Variants in SIGLEC15 observed in about 807,000 individuals in gnomAD.
SIGLEC15 encodes the protein sialic acid binding Ig like lectin 15.
Under a neutral mutation model 26.2 loss-of-function variants are expected in SIGLEC15, and 31 were observed. The ratio of observed to expected loss-of-function variants is 1.18; its 90% confidence interval spans 0.89 to 1.60. The LOEUF (loss-of-function observed/expected upper bound fraction) is 1.60. Among genes scored for constraint, SIGLEC15 ranks in the 40% most tolerant of loss-of-function variants. The pLI is 0.00. For synonymous variants in SIGLEC15, 207 were observed against 221.9 expected (o/e 0.93, Z 0.60); for missense variants, 501 against 488.4 (o/e 1.03, Z -0.24).
intron 1 of SIGLEC15, among the ~76,000 whole-genome samples, chr18:45,833,770 A>G (rs1162254260): frequency 1.3e-5 from 2 of 152,216 alleles, no homozygotes; most frequent in African/African-American, 4.8e-5. Flanking sequence ...AAAAGGGCAA[A>G]GACCAAGGTA....
chr18:45,834,859 A>G (rs2048263716), intron 1 of SIGLEC15, among the ~76,000 whole-genome samples: 1 of 152,212 alleles, frequency 6.6e-6, no homozygotes, highest in South Asian at 2.1e-4. Flanking sequence ...GGTCACAGAA[A>G]GTGAGAAATA....
chr18:45,826,749 C>T (rs939153362), intron 1 of SIGLEC15, among the ~76,000 whole-genome samples: 2 of 152,212 alleles, frequency 1.3e-5, no homozygotes, highest in African/African-American at 4.8e-5. Flanking sequence ...TAAACTCCCA[C>T]ACCTTAGACC....
At chr18:45,829,163 C>T in intron 1 of SIGLEC15, 1 of 985,408 alleles carries the variant, frequency 1.0e-6, no homozygotes, top group Non-Finnish European at 1.2e-6. Context: ...AGCCTGTGGC[C>T]CTGCCTCTCC....
intron 1 of SIGLEC15, among the ~76,000 whole-genome samples, chr18:45,826,222 G>A (rs538240737): frequency 6.6e-6 from 1 of 152,154 alleles, no homozygotes; most frequent in Non-Finnish European, 1.5e-5. Flanking sequence ...ATGGGAGGGG[G>A]TGATTTCATG....
At chr18:45,826,074 G>A (rs1412876467) in intron 1 of SIGLEC15, among the ~76,000 whole-genome samples, 9 of 152,186 alleles carry the variant, frequency 5.9e-5, no homozygotes, top group Admixed American at 5.2e-4. Flanking sequence ...GAGGACAATA[G>A]GCCAGGTACA....
At chr18:45,840,408 G>T (rs991800942) in intron 5 of SIGLEC15, among the ~76,000 whole-genome samples, 167 bp downstream of exon 5, 1 of 152,126 alleles carries the variant, frequency 6.6e-6, no homozygotes, top group Non-Finnish European at 1.5e-5. Context: ...CCCTCTTGCA[G>T]CCTGCCAAGG....
chr18:45,825,798 T>C lies in SIGLEC15; in HGVS notation c.52+18T>C, dbSNP rs372386663. ...CCCGACAGGTGAGTGTCTGCTACTC[T>C]CTCTGGCCCATGCTCGGGACAGAAT... On this transcript the variant is annotated intron_variant, in intron 1 of 5. Coordinates refer to ENST00000389474, the MANE Select transcript of SIGLEC15 (RefSeq NM_213602.3). 3.1e-6 allele frequency: 5 copies of C among 1,613,992 alleles called. No individual in the cohort carries two copies. The African/African-American group carries it at 6.7e-5, about 22-fold the overall frequency.
intron 1 of SIGLEC15, among the ~76,000 whole-genome samples, chr18:45,829,777 TCCAGCTCTGAGGGC>T (rs527356495): frequency 2.0e-5 from 3 of 152,238 alleles, no homozygotes; most frequent in Non-Finnish European, 2.9e-5. Context: ...CCTGAGGGAC[TCCAGCTCTGAGGGC>T]CACAATGCTG....
rs767955445 is a variant in SIGLEC15, at chr18:45,837,118, G to A, written c.112+30G>A. 19 of 1,611,256 alleles carry A rather than the reference G, an allele frequency of 1.2e-5. No individual in the cohort carries two copies. In the East Asian group the frequency reaches 1.3e-4, roughly 11 times the overall value. On this transcript the variant is annotated intron_variant, in intron 2 of 5. Transcript: ENST00000389474. ...GTGCTTTTATTATTATCACCATCTC[G>A]GGGATCTTGGGAGTCTGTTTTAACC...
chr18:45,830,887 C>T lies in SIGLEC15; in HGVS notation c.52+5107C>T, dbSNP rs914969949. On this transcript the variant is annotated intron_variant, in intron 1 of 5. Transcript: ENST00000389474. ...TGCTGGGATTACAGGCGTGAGCCACCGCGCTTGGCCAGCTAGACATTTTTC... is the reference window on the plus strand; with the variant it reads ...TGCTGGGATTACAGGCGTGAGCCACTGCGCTTGGCCAGCTAGACATTTTTC... 3.9e-5 allele frequency among the ~76,000 whole-genome samples: 6 copies of T among 152,028 alleles called. No homozygotes were observed. In the South Asian group the frequency reaches 8.3e-4, roughly 21 times the overall value.
At chr18:45,835,461 C>T (rs1408502946) in intron 1 of SIGLEC15, among the ~76,000 whole-genome samples, 20 of 152,064 alleles carry the variant, frequency 1.3e-4, no homozygotes, top group Admixed American at 1.3e-3. Flanking sequence ...AGCAGTCTAT[C>T]AATCAAAAGG....
intron 5 of SIGLEC15, among the ~76,000 whole-genome samples, chr18:45,841,330 C>T (rs553071164): frequency 7.4e-4 from 113 of 152,002 alleles, no homozygotes; most frequent in African/African-American, 2.7e-3. Context: ...AGGGGCAGCC[C>T]GGGAGAGGAA....
At position 45,837,851 on chromosome 18, in the gene SIGLEC15, C is replaced by A; in HGVS notation, c.451C>A (p.His151Asn). 6.5e-7 allele frequency: 1 copy of A among 1,539,462 alleles called. No homozygotes were observed. Among genetic ancestry groups the A allele is most frequent in the East Asian group, 2.6e-5 (1 of 38,856 alleles). ...FCRVEFAGDV[H>N]DRYESRHGVR... ...CCGCGTCGAGTTCGCCGGCGACGTC[C>A]ATGACCGCTACGAGAGCCGCCACGG... The change falls in exon 3 of 6, where the codon CAT (histidine) becomes AAT (asparagine). Residue 151 changes from histidine to asparagine, a missense_variant. By Grantham distance (68) the His-to-Asn change is moderately conservative. Transcript: ENST00000389474.
At chr18:45,830,673 C>T (rs2048227791) in intron 1 of SIGLEC15, among the ~76,000 whole-genome samples, 2 of 149,318 alleles carry the variant, frequency 1.3e-5, no homozygotes, top group South Asian at 4.2e-4. Flanking sequence ...GCAACCTCCG[C>T]CTCCCAGGTT....
rs764062597 is a variant in SIGLEC15 at position 45,838,966 on chromosome 18, A to AG, written c.746dup (p.Ser249ArgfsTer63). 1.2e-6 allele frequency: 2 copies of AG among 1,604,048 alleles called. No homozygotes were observed. Among genetic ancestry groups the AG allele is most frequent in the South Asian group, 2.2e-5 (2 of 90,602 alleles). On this transcript the variant is annotated frameshift_variant, in exon 4 of 6. Coordinates refer to ENST00000389474, the MANE Select transcript of SIGLEC15 (RefSeq NM_213602.3). LOFTEE classifies it high-confidence loss of function. The stretch of plus-strand genomic sequence containing the variant: ...CAACAGCCTGGGCCGCTCCGAGGCC[A>AG]GCGTCTACCTGTTCCGCTTCCATGG...
intron 5 of SIGLEC15, among the ~76,000 whole-genome samples, chr18:45,841,570 G>C (rs2048325029): frequency 6.6e-6 from 1 of 152,188 alleles, no homozygotes; most frequent in Admixed American, 6.5e-5. Flanking sequence ...AGGTGCAGGG[G>C]TGGCGGTGGG....
intron 1 of SIGLEC15, among the ~76,000 whole-genome samples, chr18:45,831,380 T>G (rs1229280220): frequency 6.6e-6 from 1 of 152,254 alleles, no homozygotes; most frequent in Non-Finnish European, 1.5e-5. Flanking sequence ...TCTTGCTGCT[T>G]TCCAAGAGTC....
Position 45,842,106 on chromosome 18 carries a change from G to A in SIGLEC15, c.906G>A (p.Arg302=). The change falls in exon 6 of 6, where the codon CGG becomes CGA. Residue 302 remains arginine, a splice_region_variant and synonymous_variant. Coordinates refer to ENST00000389474, the MANE Select transcript of SIGLEC15 (RefSeq NM_213602.3). The part of the protein sequence containing the change: ...EHLDTPDTPP[R]SQAQESNYEN... ...TCATTCAACTTTCTCCTGTCCACAG[G>A]TCCCAGGCCCAGGAGTCCAATTATG... 1 of 1,614,102 alleles carries A rather than the reference G, an allele frequency of 6.2e-7. No homozygotes were observed. The highest frequency in any genetic ancestry group is 8.5e-7 in the Non-Finnish European group (1 of 1,180,006).
In SIGLEC15 at chr18:45,842,311, CCCCTGCTCAAGGTCAAGA is replaced by C; in HGVS notation, c.*137_*154del. 1 of 1,006,784 alleles carries C rather than the reference CCCCTGCTCAAGGTCAAGA, an allele frequency of 9.9e-7. No individual in the cohort carries two copies. Among genetic ancestry groups the C allele is most frequent in the Non-Finnish European group, 1.5e-6 (1 of 656,748 alleles). The allele number at this position is 1,006,784 out of a possible 1,614,324, so 62.4% of individuals were successfully genotyped here. ...GGCAGCCCCCAGCTGGGTGGCTCCT[CCCCTGCTCAAGGTCAAGA>C]CCCTGCTCAAGGAGGCTCATCTGGC... is the stretch of plus-strand genomic sequence containing the variant. On this transcript the variant is annotated 3_prime_UTR_variant, in exon 6 of 6. Transcript: ENST00000389474.
Sources: allele counts gnomAD v4.1 joint callset (sites outside exome capture counted in the v4.1 genomes callset), GRCh38; gene constraint gnomAD v4.1.1; transcripts MANE v1.5; gene names NCBI Gene and HGNC (gene_info 2026-07-23, HGNC 2026-07-21).